The following CSNK2A1 variants were observed in gnomAD, a reference collection of about 807,000 sequenced individuals.
CSNK2A1 encodes the protein casein kinase 2 alpha 1.
CSNK2A1 carries 10 observed loss-of-function variants against 62.9 expected under a neutral mutation model. The ratio of observed to expected loss-of-function variants is 0.16; its 90% CI spans 0.10 to 0.27. The LOEUF is 0.27. CSNK2A1 is among the 10% of genes least tolerant of loss of function. CSNK2A1 has a pLI of 1.00. For synonymous variants in CSNK2A1, 124 were observed against 167.8 expected (o/e 0.74, Z 2.02); for missense variants, 160 against 492.0 (o/e 0.33, Z 6.38).
In CSNK2A1 at chr20:515,597, G is replaced by A. The variant is rs76364836; in HGVS notation, c.-109-6937C>T. On this transcript the variant is annotated intron_variant, in intron 2 of 13. Transcript: ENST00000217244. ...AGGTTCAAGTCTTCTCACTCCTACAGAACACAATCACTTTCTACTGCACAT... is the reference window on the plus strand; with the variant it reads ...AGGTTCAAGTCTTCTCACTCCTACAAAACACAATCACTTTCTACTGCACAT... 2.8e-3 allele frequency among the ~76,000 whole-genome samples: 431 copies of A among 152,136 alleles called. 2 individuals carry two copies. Among genetic ancestry groups the A allele is most frequent in the African/African-American group, 9.8e-3 (405 of 41,502 alleles).
At chr20:533,105 G>C (rs1210839104) in intron 1 of CSNK2A1, among the ~76,000 whole-genome samples, 2 of 151,816 alleles carry the variant, frequency 1.3e-5, no homozygotes, top group Non-Finnish European at 2.9e-5. Flanking sequence ...TTTTTCAAGT[G>C]GGGAAATATA....
chr20:498,024 T>C, intron 6 of CSNK2A1: 1 of 424,414 alleles, frequency 2.4e-6, no homozygotes, highest in East Asian at 4.7e-5. Context: ...GTCAGAAACA[T>C]ACTGATCTAG....
chr20:483,807 T>A lies in CSNK2A1; in HGVS notation c.*154A>T, dbSNP rs1237900881. On this transcript the variant is annotated 3_prime_UTR_variant, in exon 14 of 14. Transcript: ENST00000217244. ...AAAAGAAAATCAGCCTATTATAATT[T>A]TTTTTTTATGACTGAACTACTATAA... 3 of 484,290 alleles carry A rather than the reference T, an allele frequency of 6.2e-6. No homozygotes were observed. The highest frequency in any genetic ancestry group is 1.0e-5 in the Non-Finnish European group (3 of 296,960). The allele number at this position is 484,290 out of a possible 1,614,324, so 30.0% of individuals were successfully genotyped here.
intron 3 of CSNK2A1, chr20:505,814 G>C (rs1019321836): frequency 6.6e-6 from 1 of 151,260 alleles, no homozygotes; most frequent in Non-Finnish European, 1.5e-5. Context: ...CTTGTATTAA[G>C]GTTTGTTCTA....
At chr20:527,501 C>T (rs2019122100) in intron 2 of CSNK2A1, among the ~76,000 whole-genome samples, 1 of 152,070 alleles carries the variant, frequency 6.6e-6, no homozygotes, top group African/African-American at 2.4e-5. Flanking sequence ...AGGGGAAATC[C>T]TACTCACCCT....
chr20:496,137 A>C (rs974088149), intron 7 of CSNK2A1: 1 of 232,346 alleles, frequency 4.3e-6, no homozygotes, highest in Non-Finnish European at 8.6e-6. Flanking sequence ...AAGAAAGAAA[A>C]CAGATCTTTA....
At chr20:518,082 C>G (rs1254110530) in intron 2 of CSNK2A1, among the ~76,000 whole-genome samples, 1 of 152,202 alleles carries the variant, frequency 6.6e-6, no homozygotes, top group Non-Finnish European at 1.5e-5. Context: ...CCTCCCACCT[C>G]AGCCTCCCAA....
At chr20:491,697 G>A (rs1213475992) in intron 9 of CSNK2A1, among the ~76,000 whole-genome samples, 1 of 151,856 alleles carries the variant, frequency 6.6e-6, no homozygotes, top group East Asian at 1.9e-4. Context: ...GCCGGGCGTG[G>A]TGGCTCACGA....
At chr20:525,753 A>T (rs1483561369) in intron 2 of CSNK2A1, among the ~76,000 whole-genome samples, 1 of 146,276 alleles carries the variant, frequency 6.8e-6, no homozygotes, top group Non-Finnish European at 1.5e-5. Flanking sequence ...CCAAGGTGTG[A>T]GGATTGCTTG....
At position 475,620 on chromosome 20, in the gene CSNK2A1, CAT is replaced by C. The variant is rs2017834495; in HGVS notation, c.*8339_*8340del. 6.6e-6 allele frequency: 1 copy of C among 152,116 alleles called. No individual in the cohort carries two copies. The highest frequency in any genetic ancestry group is 2.1e-4 in the South Asian group (1 of 4,826). 9.4% of individuals were successfully genotyped at this position (152,116 alleles called of 1,614,324 possible). A position where few individuals can be genotyped will look rare whatever the true frequency, so the allele number is the denominator to read the frequency against. On this transcript the variant is annotated 3_prime_UTR_variant, in exon 14 of 14. Coordinates refer to ENST00000217244, the MANE Select transcript of CSNK2A1 (RefSeq NM_177559.3). ...TTCATTCCCCTGTAATAAGACTAAA[CAT>C]ACACACCCTTTGCCATATAACCTCA...
intron 8 of CSNK2A1, chr20:495,180 C>G (rs2018320118): frequency 6.5e-6 from 1 of 153,204 alleles, no homozygotes; most frequent in Non-Finnish European, 1.5e-5. Context: ...GAGACCACAA[C>G]AGGCAAGTCA....
intron 1 of CSNK2A1, among the ~76,000 whole-genome samples, chr20:542,470 G>T (rs2019470714): frequency 6.6e-6 from 1 of 152,202 alleles, no homozygotes; most frequent in Admixed American, 6.5e-5. Flanking sequence ...GTCTCGCTCT[G>T]TCGCCCAGGC....
rs1272651790 is a variant in CSNK2A1, at chr20:499,116, T to C, written c.366+139A>G. 5 of 596,732 alleles carry C rather than the reference T, an allele frequency of 8.4e-6. No homozygotes were observed. Among genetic ancestry groups the C allele is most frequent in the African/African-American group, 7.6e-5 (4 of 52,522 alleles). 37.0% of individuals were successfully genotyped at this position (596,732 alleles called of 1,614,324 possible). On this transcript the variant is annotated intron_variant, in intron 6 of 13. Transcript: ENST00000217244. The surrounding 1 kb of genome is among the most constrained non-coding windows in gnomAD (Gnocchi z 4.2). ...GTGGGCACTGCTTATATAGGAGTTC[T>C]TCTATCTTAAAATTTGCACTGTAAG... is the stretch of plus-strand genomic sequence containing the variant.
chr20:489,449 A>G, intron 10 of CSNK2A1: 1 of 359,400 alleles, frequency 2.8e-6, no homozygotes, highest in Non-Finnish European at 5.0e-6. Context: ...AAGAGCCAAA[A>G]GGATCACAGA....
At position 475,150 on chromosome 20, in the gene CSNK2A1, C is replaced by G. The variant is rs184344545; in HGVS notation, c.*8811G>C. ...AAAGACTGATTCTCAATTTTTGTTGCTTGAAAACAAGTAAACAAGTATTCT... is the reference window on the plus strand; with the variant it reads ...AAAGACTGATTCTCAATTTTTGTTGGTTGAAAACAAGTAAACAAGTATTCT... On this transcript the variant is annotated 3_prime_UTR_variant, in exon 14 of 14. Coordinates refer to ENST00000217244, the MANE Select transcript of CSNK2A1 (RefSeq NM_177559.3). The G allele has an allele frequency of 6.6e-6, 1 of 152,096 alleles. No homozygotes were observed. The highest frequency in any genetic ancestry group is 2.4e-5 in the African/African-American group (1 of 41,414). The allele number at this position is 152,096 out of a possible 1,614,324, so 9.4% of individuals were successfully genotyped here.
intron 1 of CSNK2A1, chr20:543,347 C>T (rs896016045): frequency 1.1e-5 from 2 of 176,082 alleles, no homozygotes; most frequent in African/African-American, 4.7e-5. Context: ...TCCCTTCCCC[C>T]TCTGACGACC....
At chr20:518,191 C>A (rs556387272) in intron 2 of CSNK2A1, among the ~76,000 whole-genome samples, 77 of 152,240 alleles carry the variant, frequency 5.1e-4, no homozygotes, top group African/African-American at 1.7e-3. Context: ...AAAATGCAAA[C>A]CCAGAGATAT....
intron 13 of CSNK2A1, among the ~76,000 whole-genome samples, chr20:485,252 C>G (rs1167632697): frequency 6.7e-6 from 1 of 150,356 alleles, no homozygotes; most frequent in Non-Finnish European, 1.5e-5. Flanking sequence ...GGTGCGATCT[C>G]GGCTCACTGC....
chr20:497,281 G>A (rs2018364264), intron 7 of CSNK2A1, among the ~76,000 whole-genome samples: 1 of 152,086 alleles, frequency 6.6e-6, no homozygotes, highest in Non-Finnish European at 1.5e-5. Context: ...CCAAGTAGCT[G>A]GAATTACAAG....
Sources: allele counts gnomAD v4.1 joint callset (sites outside exome capture counted in the v4.1 genomes callset), GRCh38; gene constraint gnomAD v4.1.1; non-coding constraint Gnocchi (gnomAD v3.1); transcripts MANE v1.5; gene names NCBI Gene and HGNC (gene_info 2026-07-23, HGNC 2026-07-21).